Variants in PARD3B observed in about 807,000 individuals in gnomAD.
PARD3B encodes the protein partitioning defective 3 homolog B.
A neutral mutation model predicts 130.2 loss-of-function variants in PARD3B; 103 were observed. The ratio of observed to expected loss-of-function variants is 0.79; its 90% CI spans 0.67 to 0.93. The LOEUF (loss-of-function observed/expected upper bound fraction) is 0.93, where lower values mean the gene tolerates loss of function less well. Ranked by LOEUF, PARD3B falls within the 40% of genes least tolerant of loss-of-function variation. The pLI is 0.00. For synonymous variants in PARD3B, 583 were observed against 553.2 expected (o/e 1.05, Z -0.76); for missense variants, 1,609 against 1,499.2 (o/e 1.07, Z -1.21).
At chr2:204,600,842 A>G (rs1424702450) in intron 1 of PARD3B, among the ~76,000 whole-genome samples, 1 of 151,878 alleles carries the variant, frequency 6.6e-6, no homozygotes, top group East Asian at 1.9e-4. Context: ...AATGTAATAT[A>G]TATACATAAT....
intron 2 of PARD3B, among the ~76,000 whole-genome samples, chr2:204,897,899 A>G (rs2046699479): frequency 6.6e-6 from 1 of 151,772 alleles, no homozygotes; most frequent in Non-Finnish European, 1.5e-5. Flanking sequence ...ACCCTAAAAT[A>G]CCTGATAGGC....
intron 21 of PARD3B, among the ~76,000 whole-genome samples, chr2:205,523,225 G>GTGTGTATATATATATATATATATTTATA: frequency 7.0e-6 from 1 of 142,960 alleles, no homozygotes; most frequent in African/African-American, 2.6e-5. Context: ...GTGTGTGTGT[G>GTGTGTATATATATATATATATATTTATA]TATATATATA....
At position 205,401,724 on chromosome 2, in the gene PARD3B, G is replaced by C. The variant is rs147314767; in HGVS notation, c.2741+601G>C. On this transcript the variant is annotated intron_variant, in intron 19 of 22. Coordinates refer to ENST00000406610, the MANE Select transcript of PARD3B (RefSeq NM_001302769.2). ...TCCATTTGGACAAGAGGTCCTTCAC[G>C]TATCTTTGATGTTAACTCTGGCACT... Among the ~76,000 whole-genome samples, 11 of 152,258 alleles carry C rather than the reference G, an allele frequency of 7.2e-5. No individual in the cohort carries two copies. In the East Asian group the frequency reaches 2.1e-3, roughly 29 times the overall value.
chr2:205,115,987 A>G (rs1014666579), intron 6 of PARD3B, among the ~76,000 whole-genome samples: 1 of 152,030 alleles, frequency 6.6e-6, no homozygotes. Context: ...TGAATAAGAA[A>G]CCTAATCTAA....
At chr2:205,611,196 T>C (rs1350644506) in intron 22 of PARD3B, among the ~76,000 whole-genome samples, 1 of 152,176 alleles carries the variant, frequency 6.6e-6, no homozygotes, top group Non-Finnish European at 1.5e-5. Flanking sequence ...CATAGGAGGA[T>C]TCAAAATTGC....
intron 1 of PARD3B, among the ~76,000 whole-genome samples, chr2:204,632,887 C>T (rs1186673249): frequency 1.3e-5 from 2 of 152,198 alleles, no homozygotes; most frequent in African/African-American, 4.8e-5. Flanking sequence ...TATTCACTCG[C>T]ACCTTTTGTT....
At chr2:204,971,660 G>A (rs1691722789) in intron 3 of PARD3B, among the ~76,000 whole-genome samples, 1 of 149,670 alleles carries the variant, frequency 6.7e-6, no homozygotes, top group Non-Finnish European at 1.5e-5. Context: ...AATGAATAAT[G>A]TTGTAATTAG....
In PARD3B at chr2:205,550,965, A is replaced by ATATATATATATG. The variant is rs2052611601; in HGVS notation, c.3181-2348_3181-2347insGTATATATATAT. On this transcript the variant is annotated intron_variant, in intron 21 of 22. Transcript: ENST00000406610. This position sits in a 1 kb window ranked among gnomAD's most constrained non-coding sequence, Gnocchi z 4.5. Reference sequence around the variant, plus strand: ...TGTATATATATATGTGTATATATATATATATATATATACACACACACACAC... The same window carrying ATATATATATATG: ...TGTATATATATATGTGTATATATATATATATATATATGTATATATATATACACACACACACAC... Among the ~76,000 whole-genome samples, 1 of 103,502 alleles carries ATATATATATATG rather than the reference A, an allele frequency of 9.7e-6. No homozygotes were observed. The highest frequency in any genetic ancestry group is 2.2e-5 in the Non-Finnish European group (1 of 46,188). 67.9% of individuals were successfully genotyped at this position (103,502 alleles called of 152,430 possible).
Position 204,890,602 on chromosome 2 carries a change from T to G in PARD3B, c.223-74550T>G, listed in dbSNP as rs747968065. On this transcript the variant is annotated intron_variant, in intron 2 of 22. Transcript: ENST00000406610. This position sits in a 1 kb window ranked among gnomAD's most constrained non-coding sequence, Gnocchi z 4.9. ...ACCACATCCCCTTATAGTCTTTGTC[T>G]GAGGATTTCACTATAAATGAAATTA... 9.2e-5 allele frequency among the ~76,000 whole-genome samples: 14 copies of G among 152,166 alleles called. No homozygotes were observed. The highest frequency in any genetic ancestry group is 1.9e-4 in the Non-Finnish European group (13 of 68,034).
In PARD3B at chr2:204,606,992, A is replaced by C. The variant is rs1418902397; in HGVS notation, c.120+60873A>C. Among the ~76,000 whole-genome samples, 2 of 152,164 alleles carry C rather than the reference A, an allele frequency of 1.3e-5. No individual in the cohort carries two copies. Among genetic ancestry groups the C allele is most frequent in the Non-Finnish European group, 2.9e-5 (2 of 68,036 alleles). On this transcript the variant is annotated intron_variant, in intron 1 of 22. Transcript: ENST00000406610. The surrounding 1 kb of genome is among the most constrained non-coding windows in gnomAD (Gnocchi z 4.0). ...GTCCTCCACTTTGATTCTTGCTTTA[A>C]AGTACATACTGGTTAGCAAGACTTG...
chr2:205,234,651 AG>A (rs1310716340), intron 15 of PARD3B, among the ~76,000 whole-genome samples: 1 of 152,202 alleles, frequency 6.6e-6, no homozygotes, highest in Non-Finnish European at 1.5e-5. Flanking sequence ...AAAATCAATA[AG>A]GCTATAGAAG....
At chr2:205,197,008 G>A (rs2036714706) in intron 15 of PARD3B, among the ~76,000 whole-genome samples, 1 of 147,682 alleles carries the variant, frequency 6.8e-6, no homozygotes, top group African/African-American at 2.5e-5. Flanking sequence ...AGATGAAACA[G>A]GAATGCTTCC....
chr2:204,586,218 A>C (rs1004303290), intron 1 of PARD3B, among the ~76,000 whole-genome samples: 19 of 152,342 alleles, frequency 1.2e-4, no homozygotes, highest in African/African-American at 4.6e-4. Context: ...TCATAAATGC[A>C]TACCTGACAC....
chr2:205,244,675 A>T lies in PARD3B; in HGVS notation c.2141-1103A>T, dbSNP rs1175674748. Among the ~76,000 whole-genome samples the T allele has an allele frequency of 6.0e-5, 9 of 149,104 alleles. No homozygotes were observed. In the South Asian group the frequency reaches 6.4e-4, roughly 11 times the overall value. The stretch of plus-strand genomic sequence containing the variant: ...GTGGGAAAGTTTTACTTATAAACAC[A>T]TTTTTTTTTTCAAAAAACTACTATA... On this transcript the variant is annotated intron_variant, in intron 15 of 22. Coordinates refer to ENST00000406610, the MANE Select transcript of PARD3B (RefSeq NM_001302769.2). The surrounding 1 kb of genome is among the most constrained non-coding windows in gnomAD (Gnocchi z 4.7).
rs114475581 is a variant in PARD3B, at chr2:204,850,906, G to A, written c.223-114246G>A. 2.6e-3 allele frequency among the ~76,000 whole-genome samples: 394 copies of A among 152,332 alleles called. 5 individuals are homozygous for A. Among genetic ancestry groups the A allele is most frequent in the African/African-American group, 9.1e-3 (380 of 41,584 alleles). On this transcript the variant is annotated intron_variant, in intron 2 of 22. Transcript: ENST00000406610. ...GACTGTCTGGCAAATTACACTGAAT[G>A]CTGTACAAGGAATCATATTGTTTCC...
chr2:204,598,349 T>TAG (rs554695736), intron 1 of PARD3B, among the ~76,000 whole-genome samples: 1 of 152,164 alleles, frequency 6.6e-6, no homozygotes, highest in Non-Finnish European at 1.5e-5. Flanking sequence ...CTATCAGAGA[T>TAG]AACTGTTATT....
intron 1 of PARD3B, among the ~76,000 whole-genome samples, chr2:204,626,188 A>G (rs1423610430): frequency 6.6e-6 from 1 of 152,142 alleles, no homozygotes; most frequent in Non-Finnish European, 1.5e-5. Context: ...TCTGGGTGGC[A>G]GATTTTTGAA....
At chr2:204,656,337 A>C (rs1427728066) in intron 1 of PARD3B, among the ~76,000 whole-genome samples, 1 of 150,940 alleles carries the variant, frequency 6.6e-6, no homozygotes, top group African/African-American at 2.5e-5. Flanking sequence ...TTGAATACAG[A>C]TATATGGAAG....
chr2:204,790,100 G>T (rs2042149549), intron 2 of PARD3B, among the ~76,000 whole-genome samples: 1 of 152,136 alleles, frequency 6.6e-6, no homozygotes. Context: ...TCGATCTCCT[G>T]ATCTCGTGAT....
Sources: allele counts gnomAD v4.1 joint callset (sites outside exome capture counted in the v4.1 genomes callset), GRCh38; gene constraint gnomAD v4.1.1; non-coding constraint Gnocchi (gnomAD v3.1); transcripts MANE v1.5; gene names NCBI Gene and HGNC (gene_info 2026-07-23, HGNC 2026-07-21).